Variants in FRMD3 observed in about 807,000 individuals in gnomAD.
FRMD3 encodes FERM domain-containing protein 3.
FRMD3 carries 33 observed loss-of-function variants against 70.2 expected under a neutral mutation model. The ratio of observed to expected loss-of-function variants is 0.47; its 90% CI spans 0.36 to 0.63. The LOEUF is 0.63. Ranked by LOEUF, FRMD3 falls within the 20% of genes least tolerant of loss-of-function variation. FRMD3 has a pLI of 0.00. For synonymous variants in FRMD3, 279 were observed against 255.9 expected, an observed-to-expected ratio of 1.09 and a Z score of -0.86; for missense variants, 632 against 711.4, an observed-to-expected ratio of 0.89 and a Z score of 1.27.
chr9:83,540,855 A>G (rs1316193032), upstream of FRMD3, among the ~76,000 whole-genome samples: 1 of 152,246 alleles, frequency 6.6e-6, no homozygotes, highest in South Asian at 2.1e-4. Flanking sequence ...CTGAAAAACC[A>G]AATTCACAAT....
chr9:83,337,286 A>G (rs1823611631), intron 5 of FRMD3, among the ~76,000 whole-genome samples: 1 of 152,118 alleles, frequency 6.6e-6, no homozygotes, highest in Non-Finnish European at 1.5e-5. Flanking sequence ...GCCACCCTGC[A>G]AGCTGCAACC....
At position 83,403,780 on chromosome 9, in the gene FRMD3, C is replaced by G. The variant is rs1229571795; in HGVS notation, c.148-14072G>C. ...TATGTCATTTACCCTTCCAACAACC[C>G]TAGCACCAGCCTTATTTGGTCGAAT... On this transcript the variant is annotated intron_variant, in intron 1 of 13. Transcript: ENST00000304195. Among the ~76,000 whole-genome samples the G allele has an allele frequency of 2.0e-5, 3 of 152,246 alleles. No homozygotes were observed. In the East Asian group the frequency reaches 5.8e-4, roughly 29 times the overall value.
chr9:83,253,508 GAAAAA>G (rs1832527040), intron 13 of FRMD3, among the ~76,000 whole-genome samples: 1 of 152,150 alleles, frequency 6.6e-6, no homozygotes, highest in African/African-American at 2.4e-5. Context: ...ACAGACACAT[GAAAAA>G]ATGCTCATCG....
chr9:83,283,550 AATAAT>A (rs1301342302), intron 13 of FRMD3, among the ~76,000 whole-genome samples: 1,309 of 11,348 alleles, frequency 0.12, 23 homozygotes, highest in East Asian at 0.36. Context: ...AAAAAAAAAT[AATAAT>A]AATAATAATA....
intron 4 of FRMD3, among the ~76,000 whole-genome samples, chr9:83,347,644 T>C (rs1824006449): frequency 6.6e-6 from 1 of 152,244 alleles, no homozygotes; most frequent in Non-Finnish European, 1.5e-5. Flanking sequence ...GCCTTTTTCT[T>C]AACATTTCTT....
intron 13 of FRMD3, among the ~76,000 whole-genome samples, chr9:83,285,064 C>T (rs556477679): frequency 2.6e-5 from 4 of 152,288 alleles, no homozygotes; most frequent in South Asian, 2.1e-4. Flanking sequence ...TTTACATGCA[C>T]GAAATGCCTT....
At chr9:83,357,249 ATATAT>A (rs1564032635) in intron 3 of FRMD3, among the ~76,000 whole-genome samples, 60 of 3,462 alleles carry the variant, frequency 0.017, 13 homozygotes, top group African/African-American at 0.068. Flanking sequence ...ATACATACAT[ATATAT>A]ATATATATAT....
intron 2 of FRMD3, among the ~76,000 whole-genome samples, chr9:83,373,562 A>G (rs1825047080): frequency 6.6e-6 from 1 of 152,186 alleles, no homozygotes; most frequent in Non-Finnish European, 1.5e-5. Flanking sequence ...AGACTGGGGG[A>G]GTTCAGAACC....
chr9:83,268,609 T>C (rs1253656627), intron 13 of FRMD3, among the ~76,000 whole-genome samples: 1 of 152,176 alleles, frequency 6.6e-6, no homozygotes, highest in Non-Finnish European at 1.5e-5. Flanking sequence ...AATATACTAC[T>C]AACTGAAAAA....
At chr9:83,422,587 C>T (rs1826677110) in intron 1 of FRMD3, among the ~76,000 whole-genome samples, 1 of 152,184 alleles carries the variant, frequency 6.6e-6, no homozygotes, top group South Asian at 2.1e-4. Context: ...TTTTCCTTCA[C>T]CAAATGGCTC....
intron 1 of FRMD3, among the ~76,000 whole-genome samples, chr9:83,435,901 A>G (rs867957885): frequency 1.3e-5 from 2 of 152,192 alleles, no homozygotes; most frequent in Non-Finnish European, 2.9e-5. Context: ...AGACCACAAT[A>G]GAGAGAAATT....
chr9:83,302,072 A>T (rs1171065051), intron 10 of FRMD3, among the ~76,000 whole-genome samples: 1 of 152,160 alleles, frequency 6.6e-6, no homozygotes, highest in Non-Finnish European at 1.5e-5. Context: ...CTCAAATGAC[A>T]CCCATGCACT....
chr9:83,485,412 G>C (rs1381174156), intron 1 of FRMD3, among the ~76,000 whole-genome samples: 1 of 152,154 alleles, frequency 6.6e-6, no homozygotes, highest in Non-Finnish European at 1.5e-5. Context: ...ACAGTGCATC[G>C]TTCTTTCCTG....
At chr9:83,345,272 A>T (rs1205533522) in intron 4 of FRMD3, among the ~76,000 whole-genome samples, 1 of 139,808 alleles carries the variant, frequency 7.2e-6, no homozygotes, top group Non-Finnish European at 1.6e-5. Flanking sequence ...AGTCCCTAAT[A>T]AGTTTCTAAT....
chr9:83,393,129 T>G (rs1436322684), intron 1 of FRMD3, among the ~76,000 whole-genome samples: 1 of 152,234 alleles, frequency 6.6e-6, no homozygotes, highest in Non-Finnish European at 1.5e-5. Flanking sequence ...TAAATGAGGT[T>G]GTATGGTCTC....
At chr9:83,416,572 T>C (rs1490081864) in intron 1 of FRMD3, among the ~76,000 whole-genome samples, 2 of 152,236 alleles carry the variant, frequency 1.3e-5, no homozygotes, top group Non-Finnish European at 2.9e-5. Flanking sequence ...TGGCACCTAA[T>C]AGGCTAAATG....
At chr9:83,529,155 C>A (rs1167188386) in intron 1 of FRMD3, among the ~76,000 whole-genome samples, 1 of 152,142 alleles carries the variant, frequency 6.6e-6, no homozygotes, top group Non-Finnish European at 1.5e-5. Flanking sequence ...TTCCACTGTA[C>A]ACTTCTGAAA....
chr9:83,475,224 A>G (rs1166781437), intron 1 of FRMD3, among the ~76,000 whole-genome samples: 1 of 152,196 alleles, frequency 6.6e-6, no homozygotes, highest in Non-Finnish European at 1.5e-5. Flanking sequence ...CTTTAAAATA[A>G]TTAACATGTT....
intron 1 of FRMD3, among the ~76,000 whole-genome samples, chr9:83,393,807 C>T (rs1048643584): frequency 6.6e-6 from 1 of 152,166 alleles, no homozygotes; most frequent in Non-Finnish European, 1.5e-5. Context: ...TTCTTGCTTG[C>T]CCGCAGCTCA....
Sources: gnomAD v4.1 joint callset for allele counts (sites outside exome capture counted in the v4.1 genomes callset) on GRCh38, gnomAD v4.1.1 for gene constraint, MANE v1.5 for transcripts, NCBI Gene and HGNC (gene_info 2026-07-23, HGNC 2026-07-21) for gene names.